The following SPATA13 variants were observed in gnomAD, a reference collection of about 807,000 sequenced individuals.
SPATA13 encodes spermatogenesis associated 13.
In SPATA13, 50 loss-of-function variants were observed where a neutral mutation model predicts 104.0. The observed-to-expected ratio is 0.48, with a 90% CI of 0.38 to 0.61. SPATA13 has a LOEUF of 0.61. SPATA13 is among the 20% of genes least tolerant of loss of function. The pLI is 0.00. For missense variants in SPATA13, 1,524 were observed against 1,690.6 expected (o/e 0.90, Z 1.73); for synonymous variants, 606 against 667.5 (o/e 0.91, Z 1.42).
intron 2 of SPATA13, chr13:24,017,570 T>C: frequency 2.0e-6 from 1 of 498,838 alleles, no homozygotes; most frequent in Non-Finnish European, 2.6e-6. Context: ...ATATATTTTT[T>C]AGATCAGATA....
intron 4 of SPATA13, among the ~76,000 whole-genome samples, chr13:24,265,571 T>C (rs1874261615): frequency 6.6e-6 from 1 of 152,198 alleles, no homozygotes. Flanking sequence ...CCACAGGTCC[T>C]GGCTGTGTCA....
chr13:24,291,503 G>A (rs1487216644), intron 9 of SPATA13, among the ~76,000 whole-genome samples: 2 of 152,188 alleles, frequency 1.3e-5, no homozygotes, highest in African/African-American at 4.8e-5. Flanking sequence ...CCAGGGCATT[G>A]GGCACCTGCT....
intron 4 of SPATA13, chr13:24,270,856 G>A: frequency 6.2e-7 from 1 of 1,612,856 alleles, no homozygotes; most frequent in Non-Finnish European, 8.5e-7. Flanking sequence ...CCAAACAGAA[G>A]GATGGTAGCT....
At chr13:24,295,262 T>G (rs1876685770) in intron 10 of SPATA13, among the ~76,000 whole-genome samples, 1 of 152,098 alleles carries the variant, frequency 6.6e-6, no homozygotes, top group Non-Finnish European at 1.5e-5. Context: ...TTTTTTTATC[T>G]TATAAATTGG....
chr13:24,232,255 CAGG>C (rs34505499), intron 2 of SPATA13, among the ~76,000 whole-genome samples: 3,462 of 152,254 alleles, frequency 0.023, 113 homozygotes, highest in African/African-American at 0.074. Flanking sequence ...TGTTCCTGGG[CAGG>C]AGAAGGTGGA....
Position 24,084,850 on chromosome 13 carries a change from G to A in SPATA13, c.-112+67149G>A, listed in dbSNP as rs570418832. Among the ~76,000 whole-genome samples the A allele has an allele frequency of 8.6e-5, 13 of 152,040 alleles. No homozygotes were observed. The Middle Eastern group carries it at 0.02, about 239-fold the overall frequency. The stretch of plus-strand genomic sequence containing the variant: ...CAGCCTGGGCAACATAGCAAGACCC[G>A]GTCTCTACAAAAATATATATAACTA... On this transcript the variant is annotated intron_variant, in intron 3 of 14. Coordinates refer to the SPATA13 transcript ENST00000424834.
intron 3 of SPATA13, among the ~76,000 whole-genome samples, chr13:24,101,089 T>C (rs1205373487): frequency 6.6e-6 from 1 of 152,140 alleles, no homozygotes; most frequent in Non-Finnish European, 1.5e-5. Context: ...CGCATACACT[T>C]GAGTGTGCAG....
chr13:23,995,993 G>A (rs1875670867), intron 2 of SPATA13, among the ~76,000 whole-genome samples: 1 of 152,182 alleles, frequency 6.6e-6, no homozygotes, highest in South Asian at 2.1e-4. Flanking sequence ...GATAGATATG[G>A]GACCTGTGAG....
intron 3 of SPATA13, among the ~76,000 whole-genome samples, chr13:24,114,949 A>G (rs1244074513): frequency 6.6e-6 from 1 of 152,112 alleles, no homozygotes. Context: ...GGCATGAGCC[A>G]CTACACCCAG....
chr13:24,049,555 G>A (rs764578405), intron 3 of SPATA13, among the ~76,000 whole-genome samples: 3 of 151,910 alleles, frequency 2.0e-5, no homozygotes, highest in African/African-American at 7.3e-5. Context: ...AGGTGTTGGT[G>A]GTCACAGTAA....
chr13:24,047,765 TG>T (rs1878202158), intron 3 of SPATA13, among the ~76,000 whole-genome samples: 1 of 152,220 alleles, frequency 6.6e-6, no homozygotes, highest in African/African-American at 2.4e-5. Context: ...CAATAGAATC[TG>T]TATAGATATA....
At chr13:24,238,419 A>G (rs1363750312) in intron 2 of SPATA13, among the ~76,000 whole-genome samples, 1 of 152,058 alleles carries the variant, frequency 6.6e-6, no homozygotes, top group East Asian at 1.9e-4. Flanking sequence ...GGCCTCCCAG[A>G]GTGCTGGGAT....
At position 24,223,401 on chromosome 13, in the gene SPATA13, G is replaced by A. The variant is rs866313594; in HGVS notation, c.472G>A (p.Ala158Thr). 7 of 1,551,304 alleles carry A rather than the reference G, an allele frequency of 4.5e-6. No homozygotes were observed. The Middle Eastern group carries it at 8.3e-4, about 185-fold the overall frequency. The change falls in exon 2 of 13, where the codon GCA (alanine) becomes ACA (threonine). Residue 158 changes from alanine to threonine, a missense_variant. Ala to Thr is a moderately conservative substitution (Grantham distance 58). Around this residue, in one of 2 missense-constraint regions of SPATA13, gnomAD observed 1,089 missense variants for 1,135.9 expected, o/e 0.96. Coordinates refer to ENST00000382108, the MANE Select transcript of SPATA13 (RefSeq NM_001166271.3). ...IPNGAVPGAQ[A>T]SRGSPLAPGP... ...AAATGGCGCTGTCCCAGGAGCCCAG[G>A]CAAGCAGGGGCTCCCCCTTAGCACC...
intron 3 of SPATA13, chr13:24,122,165 T>C: frequency 6.3e-7 from 1 of 1,598,472 alleles, no homozygotes; most frequent in Non-Finnish European, 8.6e-7. Context: ...TTTGGATTCA[T>C]GGGCTGCTCT....
chr13:24,209,292 A>G (rs1392388762), intron 1 of SPATA13, among the ~76,000 whole-genome samples: 1 of 152,204 alleles, frequency 6.6e-6, no homozygotes, highest in Non-Finnish European at 1.5e-5. Context: ...TCTCAGATAG[A>G]GGTGTAAGAC....
chr13:24,216,038 C>T (rs1871244379), intron 1 of SPATA13, among the ~76,000 whole-genome samples: 1 of 152,188 alleles, frequency 6.6e-6, no homozygotes, highest in Admixed American at 6.5e-5. Flanking sequence ...GCAGGGCAGT[C>T]TTCAGGGCTG....
chr13:24,210,667 A>T (rs1027048274), intron 1 of SPATA13, among the ~76,000 whole-genome samples: 2 of 150,074 alleles, frequency 1.3e-5, no homozygotes, highest in Non-Finnish European at 3.0e-5. Context: ...TTTGTAATAT[A>T]GTTTGAAATC....
chr13:24,099,326 A>G (rs1034148171), intron 3 of SPATA13, among the ~76,000 whole-genome samples: 1 of 152,228 alleles, frequency 6.6e-6, no homozygotes, highest in African/African-American at 2.4e-5. Context: ...CCATTTTGCA[A>G]ATCCCAATGA....
chr13:24,222,695 TTTAA>T, intron 1 of SPATA13, 120 bp from the exon 2 acceptor site: 1 of 761,186 alleles, frequency 1.3e-6, no homozygotes, highest in Non-Finnish European at 2.1e-6. Context: ...AATGTACAGT[TTTAA>T]TTGAGTTTGA....
Sources: allele counts gnomAD v4.1 joint callset (sites outside exome capture counted in the v4.1 genomes callset), GRCh38; gene constraint gnomAD v4.1.1; regional missense constraint gnomAD v4.1.1; transcripts MANE v1.5; gene names NCBI Gene and HGNC (gene_info 2026-07-23, HGNC 2026-07-21).